FRMD4A: variants seen among roughly 807,000 people sequenced by gnomAD.
FRMD4A encodes FERM domain containing 4A, also known as FERM domain-containing protein 4A.
In FRMD4A, 29 loss-of-function variants were observed where a neutral mutation model predicts 129.1. That is an observed-to-expected ratio of 0.22 (90% CI 0.17 to 0.31). FRMD4A has a LOEUF of 0.31. Ranked by LOEUF, FRMD4A falls within the 10% of genes least tolerant of loss-of-function variation. The probability of loss-of-function intolerance (pLI) is 1.00; values close to 1 mark genes in which losing one functional copy is unlikely to be tolerated. For synonymous variants in FRMD4A, 634 were observed against 571.6 expected (o/e 1.11, Z -1.56); for missense variants, 1,272 against 1,375.8 (o/e 0.92, Z 1.19).
At chr10:13,854,057 T>C (rs1358991250) in intron 3 of FRMD4A, among the ~76,000 whole-genome samples, 1 of 152,022 alleles carries the variant, frequency 6.6e-6, no homozygotes, top group Non-Finnish European at 1.5e-5. Flanking sequence ...AGCCATTCCA[T>C]TCTAGTGAAA....
At chr10:14,275,556 G>A (rs1400213064) in intron 2 of FRMD4A, among the ~76,000 whole-genome samples, 2 of 152,216 alleles carry the variant, frequency 1.3e-5, no homozygotes, top group Admixed American at 6.5e-5. Flanking sequence ...TCCAAGGGCA[G>A]ATAATAAAGC....
intron 2 of FRMD4A, among the ~76,000 whole-genome samples, chr10:14,227,615 C>G (rs187819982): frequency 9.7e-4 from 148 of 152,140 alleles, no homozygotes; most frequent in African/African-American, 3.4e-3. Context: ...TTACACCAAG[C>G]CTGCATGAGG....
intron 2 of FRMD4A, among the ~76,000 whole-genome samples, chr10:14,117,774 C>T (rs1288026342): frequency 6.6e-6 from 1 of 152,172 alleles, no homozygotes; most frequent in East Asian, 1.9e-4. Flanking sequence ...GCCTTTCAGG[C>T]CGTGCCTTTT....
intron 2 of FRMD4A, among the ~76,000 whole-genome samples, chr10:14,188,366 A>G (rs1350551409): frequency 2.0e-5 from 3 of 152,182 alleles, no homozygotes; most frequent in Admixed American, 1.3e-4. Context: ...AGCACTCCCT[A>G]TTGAAAATGT....
chr10:14,027,565 G>A (rs1309429864), intron 2 of FRMD4A, among the ~76,000 whole-genome samples: 10 of 152,234 alleles, frequency 6.6e-5, no homozygotes, highest in South Asian at 2.1e-4. Flanking sequence ...GCAGTGAGCC[G>A]AGATGGCGCC....
chr10:14,276,618 T>A (rs1475780538), intron 2 of FRMD4A, among the ~76,000 whole-genome samples: 1 of 152,042 alleles, frequency 6.6e-6, no homozygotes, highest in Non-Finnish European at 1.5e-5. Context: ...CAAAGTTGGG[T>A]AAAATTGTGT....
chr10:14,328,031 T>C (rs1843347902), intron 2 of FRMD4A, among the ~76,000 whole-genome samples: 1 of 152,188 alleles, frequency 6.6e-6, no homozygotes, highest in South Asian at 2.1e-4. Flanking sequence ...CTTTGGGGTT[T>C]ACCCTTAAAA....
At chr10:14,130,782 A>G (rs754489595) in intron 2 of FRMD4A, among the ~76,000 whole-genome samples, 14 of 152,198 alleles carry the variant, frequency 9.2e-5, no homozygotes, top group Admixed American at 2.0e-4. Flanking sequence ...ATACGAGTAT[A>G]TTTATTTGAC....
intron 11 of FRMD4A, among the ~76,000 whole-genome samples, chr10:13,739,905 GC>G (rs1309294096): frequency 1.3e-5 from 2 of 152,224 alleles, no homozygotes; most frequent in Non-Finnish European, 2.9e-5. Context: ...TTCCAGACCA[GC>G]CTGGCCAACA....
chr10:13,906,664 G>A (rs1013913941), intron 2 of FRMD4A, among the ~76,000 whole-genome samples: 2 of 152,168 alleles, frequency 1.3e-5, no homozygotes, highest in Non-Finnish European at 2.9e-5. Flanking sequence ...GGTAACTGCT[G>A]TGAGCTTTAA....
intron 5 of FRMD4A, among the ~76,000 whole-genome samples, chr10:13,785,969 G>A (rs1042013680): frequency 9.2e-5 from 14 of 152,134 alleles, no homozygotes; most frequent in South Asian, 8.3e-4. Context: ...TTTTGTGGCC[G>A]CATAGTATTC....
chr10:14,010,159 C>T (rs763809375), intron 2 of FRMD4A, among the ~76,000 whole-genome samples: 20 of 152,104 alleles, frequency 1.3e-4, no homozygotes, highest in Non-Finnish European at 2.5e-4. Context: ...AAGCCACTGT[C>T]CTCTTCTCTG....
intron 2 of FRMD4A, among the ~76,000 whole-genome samples, chr10:13,861,036 C>T (rs565120708): frequency 6.6e-6 from 1 of 152,294 alleles, no homozygotes; most frequent in South Asian, 2.1e-4. Context: ...TGAGAATGAG[C>T]GTCTCTGCAA....
At chr10:13,678,955 A>G (rs78122194) in intron 15 of FRMD4A, among the ~76,000 whole-genome samples, 1,941 of 152,202 alleles carry the variant, frequency 0.013, 48 homozygotes, top group African/African-American at 0.044. Context: ...ACAATACCCT[A>G]CTGTTAACTA....
At chr10:14,310,356 G>T (rs746569901) in intron 2 of FRMD4A, among the ~76,000 whole-genome samples, 1 of 152,162 alleles carries the variant, frequency 6.6e-6, no homozygotes, top group Non-Finnish European at 1.5e-5. Flanking sequence ...AATTATTTAG[G>T]CAGACAGTGA....
rs907871412 is a variant in FRMD4A, at chr10:13,858,899, C to T, written c.59G>A (p.Arg20His). Residue 20 changes from arginine (R) to histidine (H), a missense_variant, in exon 3 of 25, where the codon CGC becomes CAC. Around this residue, in one of 2 missense-constraint regions of FRMD4A, gnomAD observed 300 missense variants for 483.6 expected, o/e 0.62. Transcript: ENST00000357447. The stretch of plus-strand genomic sequence containing the variant: ...ATCAAGAAGATGTACTTGACATCGG[C>T]GGCCCTCCGTCATCTAAGAGGGAAG... ...ALGLLMMTEG[R>H]RCQVHLLDDR... The T allele has an allele frequency of 6.3e-7, 1 of 1,598,630 alleles. No homozygotes were observed.
intron 2 of FRMD4A, among the ~76,000 whole-genome samples, chr10:13,915,652 A>G (rs1005729012): frequency 1.3e-5 from 2 of 149,902 alleles, no homozygotes; most frequent in Non-Finnish European, 3.0e-5. Context: ...AGACTGGGCG[A>G]CAGAGTGACT....
At chr10:14,110,566 T>A (rs1430506996) in intron 2 of FRMD4A, among the ~76,000 whole-genome samples, 2 of 152,150 alleles carry the variant, frequency 1.3e-5, no homozygotes, top group Admixed American at 1.3e-4. Flanking sequence ...ACGGCAAGAC[T>A]GGAAGATACT....
At chr10:13,916,663 C>G (rs2095011351) in intron 2 of FRMD4A, among the ~76,000 whole-genome samples, 1 of 152,150 alleles carries the variant, frequency 6.6e-6, no homozygotes, top group South Asian at 2.1e-4. Flanking sequence ...TTTGTAGATT[C>G]AATGTACAAT....
Sources: gnomAD v4.1 joint callset for allele counts (sites outside exome capture counted in the v4.1 genomes callset) on GRCh38, gnomAD v4.1.1 for gene constraint, gnomAD v4.1.1 regional missense constraint, MANE v1.5 for transcripts, NCBI Gene and HGNC (gene_info 2026-07-23, HGNC 2026-07-21) for gene names.